The following COX6C variants were observed in gnomAD, a reference collection of about 807,000 sequenced individuals.
COX6C encodes cytochrome c oxidase subunit 6C.
A neutral mutation model predicts 6.9 loss-of-function variants in COX6C; 3 were observed. The observed-to-expected ratio is 0.43, with a 90% confidence interval of 0.20 to 1.12. The LOEUF (loss-of-function observed/expected upper bound fraction) is 1.12, where lower values mean the gene tolerates loss of function less well. Among genes scored for constraint, COX6C ranks in the 50% most tolerant of loss-of-function variants. The pLI, the probability that COX6C is intolerant of heterozygous loss-of-function variation, is 0.27. For synonymous variants in COX6C, 32 were observed against 32.0 expected, an observed-to-expected ratio of 1.00 and a Z score of 0.00; for missense variants, 101 against 97.3, an observed-to-expected ratio of 1.04 and a Z score of -0.16.
intron 2 of COX6C, among the ~76,000 whole-genome samples, chr8:99,891,090 C>T (rs1286502853): frequency 6.6e-6 from 1 of 152,250 alleles, no homozygotes; most frequent in African/African-American, 2.4e-5. Context: ...CCTCTGCATA[C>T]TAGCTTCTGT....
intron 3 of COX6C, 128 bp downstream of exon 3, chr8:99,887,362 G>A: frequency 6.1e-6 from 3 of 489,108 alleles, no homozygotes; most frequent in Non-Finnish European, 1.1e-5. Context: ...TACCAAATGT[G>A]TATCACTTCC....
intron 3 of COX6C, 107 bp downstream of exon 3, chr8:99,887,383 A>T: frequency 1.7e-6 from 1 of 571,442 alleles, no homozygotes. Context: ...ACACCATCGT[A>T]AAGTCAAAAA....
At chr8:99,892,174 C>A (rs1818064771) in intron 1 of COX6C, 122 bp from the exon 2 acceptor site, 1 of 598,228 alleles carries the variant, frequency 1.7e-6, no homozygotes, top group African/African-American at 1.9e-5. Flanking sequence ...GCAGCAGTTA[C>A]AAATGAATGT....
intron 3 of COX6C, chr8:99,885,893 G>C (rs931668736): frequency 2.6e-5 from 4 of 152,128 alleles, no homozygotes; most frequent in African/African-American, 9.7e-5. Context: ...TTAATATCCA[G>C]AATATATACA....
intron 3 of COX6C, among the ~76,000 whole-genome samples, chr8:99,880,328 C>T (rs1319279956): frequency 1.3e-5 from 2 of 152,154 alleles, no homozygotes; most frequent in Admixed American, 6.5e-5. Flanking sequence ...ACCTTAAGAA[C>T]AACTATCTAA....
chr8:99,891,363 C>T (rs181721587), intron 2 of COX6C, among the ~76,000 whole-genome samples: 202 of 152,200 alleles, frequency 1.3e-3, no homozygotes, highest in African/African-American at 4.2e-3. Context: ...CCAGCCTGAA[C>T]AACGTGGCCA....
intron 3 of COX6C, among the ~76,000 whole-genome samples, chr8:99,885,456 C>T (rs569809955): frequency 3.3e-5 from 5 of 152,240 alleles, no homozygotes; most frequent in African/African-American, 1.2e-4. Context: ...CAGTGTAGTA[C>T]TGCCCCGAAG....
chr8:99,890,010 C>A (rs1395164346), intron 2 of COX6C, among the ~76,000 whole-genome samples: 1 of 151,698 alleles, frequency 6.6e-6, no homozygotes, highest in African/African-American at 2.4e-5. Flanking sequence ...AGGAGAATGG[C>A]GTGAACCCGG....
chr8:99,889,987 A>G (rs974828722), intron 2 of COX6C, among the ~76,000 whole-genome samples: 8 of 151,920 alleles, frequency 5.3e-5, no homozygotes, highest in African/African-American at 1.2e-4. Flanking sequence ...CCAGCTACTC[A>G]GGAGGCTGAG....
At chr8:99,893,446 G>T (rs373753692) in intron 1 of COX6C, 193 bp downstream of exon 1, 1 of 152,298 alleles carries the variant, frequency 6.6e-6, no homozygotes, top group Admixed American at 6.5e-5. Context: ...AACCCACCCC[G>T]GTCCGTGGTC....
At chr8:99,888,474 G>C (rs918213020) in intron 2 of COX6C, among the ~76,000 whole-genome samples, 1 of 152,168 alleles carries the variant, frequency 6.6e-6, no homozygotes, top group African/African-American at 2.4e-5. Flanking sequence ...GGGAGGCTGA[G>C]GCAGGAGAAT....
At chr8:99,889,920 T>C (rs1331700323) in intron 2 of COX6C, among the ~76,000 whole-genome samples, 1 of 151,456 alleles carries the variant, frequency 6.6e-6, no homozygotes, top group African/African-American at 2.4e-5. Context: ...TGAAACCCCG[T>C]CTCTACTAAA....
At chr8:99,889,963 G>A (rs563233945) in intron 2 of COX6C, among the ~76,000 whole-genome samples, 7 of 151,730 alleles carry the variant, frequency 4.6e-5, no homozygotes, top group Non-Finnish European at 8.8e-5. Context: ...GTGTGGTGGC[G>A]GACGCCTGTA....
chr8:99,880,251 G>A (rs1390181484), intron 3 of COX6C, among the ~76,000 whole-genome samples: 3 of 152,122 alleles, frequency 2.0e-5, no homozygotes, highest in African/African-American at 4.8e-5. Context: ...AAACACGGAC[G>A]ATTGAAAGAA....
At chr8:99,888,379 T>C (rs560373044) in intron 2 of COX6C, among the ~76,000 whole-genome samples, 3 of 152,040 alleles carry the variant, frequency 2.0e-5, no homozygotes, top group South Asian at 2.1e-4. Context: ...GAGACCAGCC[T>C]GGCCAACATG....
chr8:99,891,685 G>A (rs1165107409), intron 2 of COX6C, among the ~76,000 whole-genome samples: 2 of 152,082 alleles, frequency 1.3e-5, no homozygotes, highest in African/African-American at 4.8e-5. Flanking sequence ...CCAGAACTGC[G>A]AGCAAATTTA....
rs1327864672 is a variant in COX6C, at chr8:99,881,394, T to C, written c.*16-3129A>G. Among the ~76,000 whole-genome samples, 4 of 152,122 alleles carry C rather than the reference T, an allele frequency of 2.6e-5. No homozygotes were observed. In the East Asian group the frequency reaches 7.7e-4, roughly 29 times the overall value. On this transcript the variant is annotated intron_variant, in intron 3 of 3. Coordinates refer to ENST00000520468, the MANE Select transcript of COX6C (RefSeq NM_004374.4). Reference sequence around the variant, plus strand: ...AAAAAAAAATTGGTTTGTAAATTCATTTTTAATTCTTTTATAGGATTTAAA... The same window carrying C: ...AAAAAAAAATTGGTTTGTAAATTCACTTTTAATTCTTTTATAGGATTTAAA...
chr8:99,892,615 A>T (rs1178298146), intron 1 of COX6C, among the ~76,000 whole-genome samples: 1 of 152,190 alleles, frequency 6.6e-6, no homozygotes, highest in Non-Finnish European at 1.5e-5. Flanking sequence ...GAGGCACAGC[A>T]CGACAGTGGA....
intron 3 of COX6C, among the ~76,000 whole-genome samples, chr8:99,880,417 A>C (rs7828241): frequency 0.24 from 36,337 of 152,134 alleles, 5,307 homozygotes; most frequent in African/African-American, 0.41. Flanking sequence ...GTGAGAATAT[A>C]AACAAAGAGA....
Sources: allele counts gnomAD v4.1 joint callset (sites outside exome capture counted in the v4.1 genomes callset), GRCh38; gene constraint gnomAD v4.1.1; transcripts MANE v1.5; gene names NCBI Gene and HGNC (gene_info 2026-07-23, HGNC 2026-07-21).